Variants in ABCB9 observed in about 807,000 individuals in gnomAD.
The protein encoded by ABCB9 is ABC-type oligopeptide transporter ABCB9.
Under a neutral mutation model 62.0 loss-of-function variants are expected in ABCB9, and 36 were observed. That is an observed-to-expected ratio of 0.58 (90% CI 0.45 to 0.77). ABCB9 has a LOEUF of 0.77. ABCB9 is among the 30% of genes least tolerant of loss of function. ABCB9 has a pLI of 0.00. For synonymous variants in ABCB9, 435 were observed against 461.4 expected (o/e 0.94, Z 0.73); for missense variants, 943 against 1,054.7 (o/e 0.89, Z 1.47).
Position 122,964,806 on chromosome 12 carries a change from C to A in ABCB9, c.-88+1481G>T, listed in dbSNP as rs1384030294. ...ACAAGGCCCAGGAAGACAGGGGTGG[C>A]TCGCCCTGACTCCGTGCACTAAAGA... is the stretch of plus-strand genomic sequence containing the variant. On this transcript the variant is annotated intron_variant, in intron 1 of 11. Transcript: ENST00000280560. The surrounding 1 kb of genome is among the most constrained non-coding windows in gnomAD (Gnocchi z 4.7). Among the ~76,000 whole-genome samples the A allele has an allele frequency of 6.6e-6, 1 of 152,208 alleles. No homozygotes were observed. The highest frequency in any genetic ancestry group is 1.5e-5 in the Non-Finnish European group (1 of 68,024).
intron 9 of ABCB9, chr12:122,939,585 G>A (rs1034365278): frequency 2.6e-5 from 4 of 152,744 alleles, no homozygotes; most frequent in African/African-American, 9.7e-5. Context: ...AGGCTGCAGT[G>A]CAGTGGCCCA....
At chr12:122,957,995 C>T (rs943992708) in intron 2 of ABCB9, among the ~76,000 whole-genome samples, 1 of 150,776 alleles carries the variant, frequency 6.6e-6, no homozygotes, top group Non-Finnish European at 1.5e-5. Context: ...CATGGTGAAA[C>T]CCTGTCTCTA....
chr12:122,961,617 AAC>A lies in ABCB9; in HGVS notation c.-87-1297_-87-1296del. ...GGGGAAAAGCACTTGGCACAGGTGA[AAC>A]AGTGCCAGAGCCCCAAGGCAGGAGT... On this transcript the variant is annotated intron_variant, in intron 1 of 11. Coordinates refer to ENST00000280560, the MANE Select transcript of ABCB9 (RefSeq NM_019625.4). Among the ~76,000 whole-genome samples, 2 of 152,312 alleles carry A rather than the reference AAC, an allele frequency of 1.3e-5. 1 individual carries two copies.
At chr12:122,951,948 A>G (rs1466841553) in intron 2 of ABCB9, 2 of 152,202 alleles carry the variant, frequency 1.3e-5, no homozygotes, top group African/African-American at 2.4e-5. Context: ...CGCCAATGTG[A>G]TAGGGCAGAG....
chr12:122,930,797 A>ATGGTGCC lies in ABCB9; in HGVS notation c.2041-633_2041-627dup, dbSNP rs760211146. 5.9e-5 allele frequency among the ~76,000 whole-genome samples: 9 copies of ATGGTGCC among 152,226 alleles called. No homozygotes were observed. In the South Asian group the frequency reaches 8.3e-4, roughly 14 times the overall value. On this transcript the variant is annotated intron_variant, in intron 11 of 11. Coordinates refer to ENST00000280560, the MANE Select transcript of ABCB9 (RefSeq NM_019625.4). This position sits in a 1 kb window ranked among gnomAD's most constrained non-coding sequence, Gnocchi z 4.9. ...CTAGTTAGCCCACGATAACCCCAGA[A>ATGGTGCC]TGGTGCCTGGTGCCTGGTGCCTGAG...
chr12:122,935,105 G>A (rs2035388958), intron 10 of ABCB9, among the ~76,000 whole-genome samples, 167 bp downstream of exon 10: 1 of 152,184 alleles, frequency 6.6e-6, no homozygotes. Flanking sequence ...GGGATTGCAG[G>A]AAGATTGCTT....
chr12:122,941,705 C>T (rs547697501), intron 7 of ABCB9, among the ~76,000 whole-genome samples: 8 of 151,862 alleles, frequency 5.3e-5, no homozygotes, highest in African/African-American at 7.2e-5. Context: ...ATCATAATAA[C>T]GGCCCATTTT....
At chr12:122,931,843 C>T (rs1160199027) in intron 11 of ABCB9, 5 of 294,062 alleles carry the variant, frequency 1.7e-5, no homozygotes, top group African/African-American at 1.1e-4. Flanking sequence ...GGGGTTTCAC[C>T]ATGTTGGCCA....
chr12:122,974,583 A>G (rs945662642), intron 1 of ABCB9: 1 of 152,270 alleles, frequency 6.6e-6, no homozygotes, highest in Non-Finnish European at 1.5e-5. Flanking sequence ...CTCGGTCTGC[A>G]AGAGTTGTCA....
upstream of ABCB9, among the ~76,000 whole-genome samples, chr12:122,968,843 G>A (rs530150729): frequency 4.7e-4 from 72 of 152,172 alleles, no homozygotes; most frequent in Non-Finnish European, 9.1e-4. Flanking sequence ...TCAAACTCCT[G>A]ACTTCAGGTG....
At chr12:122,921,118 C>T (rs1225106510) in intron 11 of ABCB9, 41 of 1,478,884 alleles carry the variant, frequency 2.8e-5, no homozygotes, top group Non-Finnish European at 3.6e-5. Flanking sequence ...CTGGATCATG[C>T]AATTTAAAAT....
At position 122,935,256 on chromosome 12, in the gene ABCB9, A is replaced by AC. The variant is rs2135779494; in HGVS notation, c.1903+15dup. On this transcript the variant is annotated intron_variant, in intron 10 of 11. Coordinates refer to ENST00000280560, the MANE Select transcript of ABCB9 (RefSeq NM_019625.4). ...ACCCTGTGGGCCCAGGAGAGGGGCC[A>AC]CCCCCAGCTCCACACCTGTGCTGTA... 6.3e-7 allele frequency: 1 copy of AC among 1,592,364 alleles called. No individual in the cohort carries two copies. The highest frequency in any genetic ancestry group is 8.6e-7 in the Non-Finnish European group (1 of 1,168,532).
Position 122,942,762 on chromosome 12 carries a change from C to T in ABCB9, c.1380+1629G>A, listed in dbSNP as rs545280908. On this transcript the variant is annotated intron_variant, in intron 7 of 11. Transcript: ENST00000280560. Reference sequence around the variant, plus strand: ...AAGGCTGCAGTGAGTCATGAAAGCACCACTGCACCCCAGCCTGGGTGACAA... The same window carrying T: ...AAGGCTGCAGTGAGTCATGAAAGCATCACTGCACCCCAGCCTGGGTGACAA... Among the ~76,000 whole-genome samples the T allele has an allele frequency of 2.6e-5, 4 of 152,200 alleles. No individual in the cohort carries two copies. In the East Asian group the frequency reaches 7.7e-4, roughly 29 times the overall value.
downstream of ABCB9, among the ~76,000 whole-genome samples, chr12:122,918,727 G>A (rs2034681688): frequency 6.6e-6 from 1 of 151,992 alleles, no homozygotes; most frequent in African/African-American, 2.4e-5. Context: ...TAAAGTGCTG[G>A]GATTACAGGC....
At chr12:122,922,268 A>G (rs1469651952) in intron 11 of ABCB9, among the ~76,000 whole-genome samples, 2 of 152,216 alleles carry the variant, frequency 1.3e-5, no homozygotes, top group Non-Finnish European at 2.9e-5. Context: ...AGAAATGTAC[A>G]TAGAACAATA....
chr12:122,973,588 A>G (rs1453422146), intron 1 of ABCB9, among the ~76,000 whole-genome samples: 5 of 140,984 alleles, frequency 3.5e-5, no homozygotes, highest in Non-Finnish European at 7.7e-5. Flanking sequence ...GAAAAAAAAA[A>G]AAAAAAAAAA....
intron 1 of ABCB9, among the ~76,000 whole-genome samples, chr12:122,972,086 G>A (rs7310654): frequency 8.2e-6 from 1 of 121,378 alleles, no homozygotes; most frequent in Non-Finnish European, 1.6e-5. Flanking sequence ...ACTCTGTCAC[G>A]CAGGCTGGAG....
Position 122,959,778 on chromosome 12 carries a change from G to A in ABCB9, c.458C>T (p.Thr153Ile), listed in dbSNP as rs1320015565. ...GCTCCCAGGGAAGCCCTCAGCCTCGGTGGCCGCCCCTGGCTCCAGGGCCTG... is the reference window on the plus strand; with the variant it reads ...GCTCCCAGGGAAGCCCTCAGCCTCGATGGCCGCCCCTGGCTCCAGGGCCTG... The part of the protein sequence containing the change: ...GTQALEPGAA[T>I]EAEGFPGSGR... The change falls in exon 2 of 12, where the codon ACC becomes ATC. Residue 153 changes from threonine (T) to isoleucine (I), a missense_variant. Coordinates refer to ENST00000280560, the MANE Select transcript of ABCB9 (RefSeq NM_019625.4). This position sits in a 1 kb window ranked among gnomAD's most constrained non-coding sequence, Gnocchi z 5.4. 1.9e-6 allele frequency: 3 copies of A among 1,611,930 alleles called. No individual in the cohort carries two copies. The East Asian group carries it at 6.7e-5, about 36-fold the overall frequency.
At chr12:122,948,924 A>C in intron 4 of ABCB9, 95 bp from the exon 5 acceptor site, 38 of 793,760 alleles carry the variant, frequency 4.8e-5, no homozygotes, top group Non-Finnish European at 5.9e-5. Flanking sequence ...GACACTGGGA[A>C]GCCGGGCCTC....
Sources: allele counts gnomAD v4.1 joint callset (sites outside exome capture counted in the v4.1 genomes callset), GRCh38; gene constraint gnomAD v4.1.1; non-coding constraint Gnocchi (gnomAD v3.1); transcripts MANE v1.5; gene names NCBI Gene and HGNC (gene_info 2026-07-23, HGNC 2026-07-21).